Variants in NBPF9 observed in about 807,000 individuals in gnomAD.
The protein encoded by NBPF9 is NBPF family member NBPF9.
In NBPF9, 91 loss-of-function variants were observed where a neutral mutation model predicts 97.8. That is an observed-to-expected ratio of 0.93 (90% CI 0.79 to 1.11). NBPF9 has a LOEUF of 1.11. NBPF9 is among the 50% of genes least tolerant of loss of function. The pLI is 0.00. For synonymous variants in NBPF9, 334 were observed against 359.5 expected (o/e 0.93, Z 0.80); for missense variants, 992 against 939.5 (o/e 1.06, Z -0.73).
chr1:149,087,795 TG>T (rs1486474198), intron 5 of NBPF9, among the ~76,000 whole-genome samples: 1 of 150,856 alleles, frequency 6.6e-6, no homozygotes, highest in Non-Finnish European at 1.5e-5. Context: ...TAGTTTTTGT[TG>T]TACTGGCCTT....
chr1:149,085,183 C>G (rs1374980444), intron 5 of NBPF9, among the ~76,000 whole-genome samples: 2 of 152,012 alleles, frequency 1.3e-5, no homozygotes, highest in Non-Finnish European at 2.9e-5. Context: ...CTTCCCCCAC[C>G]CATACCCCTC....
chr1:149,063,491 G>A, intron 20 of NBPF9, 142 bp downstream of exon 20: 2 of 644,508 alleles, frequency 3.1e-6, no homozygotes, highest in Non-Finnish European at 5.5e-6. Flanking sequence ...TGGAACTAGA[G>A]TTTCATTCAA....
At chr1:149,058,544 C>A (rs1271226984) in intron 26 of NBPF9, 5 of 232,908 alleles carry the variant, frequency 2.1e-5, no homozygotes, top group East Asian at 2.1e-4. Context: ...GTATTCAGCC[C>A]TGTCTCATCA....
chr1:149,075,787 T>C (rs781972868), exon 12 of NBPF9: 3 of 1,586,540 alleles, frequency 1.9e-6, no homozygotes, highest in East Asian at 2.2e-5. Flanking sequence ...AGAATGTTCA[T>C]CTCTGCCTTC....
intron 7 of NBPF9, among the ~76,000 whole-genome samples, chr1:149,081,545 A>AGT (rs1360486292): frequency 7.9e-5 from 12 of 152,204 alleles, no homozygotes; most frequent in African/African-American, 2.6e-4. Context: ...TCACTAGAAC[A>AGT]GAGCTTTGCC....
At chr1:149,089,483 A>G (rs2081269917) in intron 5 of NBPF9, among the ~76,000 whole-genome samples, 1 of 152,286 alleles carries the variant, frequency 6.6e-6, no homozygotes, top group African/African-American at 2.4e-5. Context: ...GCTAAACCTA[A>G]CTACAAGTGT....
intron 5 of NBPF9, among the ~76,000 whole-genome samples, chr1:149,084,444 T>A (rs1358914874): frequency 2.0e-5 from 3 of 147,004 alleles, no homozygotes; most frequent in Non-Finnish European, 3.0e-5. Context: ...ATATATATAT[T>A]TTTCTTTTTT....
chr1:149,072,904 C>T, exon 14 of NBPF9: 2 of 1,607,290 alleles, frequency 1.2e-6, no homozygotes, highest in East Asian at 4.5e-5. Flanking sequence ...AGCTCTCGTT[C>T]CTGAGCGTGA....
rs1575819004 is a variant in NBPF9 at position 149,055,715 on chromosome 1, TA to T, written c.3276del (p.Phe1092LeufsTer3). The T allele has an allele frequency of 3.1e-6, 5 of 1,611,632 alleles. No individual in the cohort carries two copies. The East Asian group carries it at 6.7e-5, about 22-fold the overall frequency. On this transcript the variant is annotated frameshift_variant, in exon 30 of 30. Coordinates refer to ENST00000584027, the Ensembl canonical transcript of NBPF9. LOFTEE classifies it low-confidence loss of function (END_TRUNC). Reference sequence around the variant, plus strand: ...AGGTGGAGACTTGTCACCGTCAAAGTAAAAAACCTATTGTCCACGTAAAGGG... The same window carrying T: ...AGGTGGAGACTTGTCACCGTCAAAGTAAAAACCTATTGTCCACGTAAAGGG...
chr1:149,090,691 C>T (rs1488307995), intron 5 of NBPF9, 62 bp downstream of exon 5: 11 of 551,276 alleles, frequency 2.0e-5, no homozygotes, highest in African/African-American at 1.9e-4. Flanking sequence ...AAGGACCCAT[C>T]TCTGCCCTGG....
intron 5 of NBPF9, among the ~76,000 whole-genome samples, chr1:149,084,428 T>TTATATA (rs1186413462): frequency 6.8e-6 from 1 of 146,040 alleles, no homozygotes; most frequent in Admixed American, 6.9e-5. Context: ...TGTATATATA[T>TTATATA]TATATATATA....
At chr1:149,085,021 T>G (rs71228382) in intron 5 of NBPF9, among the ~76,000 whole-genome samples, 9,037 of 151,716 alleles carry the variant, frequency 0.06, 779 homozygotes, top group East Asian at 0.48. Context: ...AGTACTGACC[T>G]CCTTTGTTCC....
rs1553890127 is a variant in NBPF9, at chr1:149,055,655, C to T, written c.*1G>A. ...ACATCTCTCGGCTTAGTAAGGGCTGCTTATTGTGGGAATATGACTTCCATC... is the reference window on the plus strand; with the variant it reads ...ACATCTCTCGGCTTAGTAAGGGCTGTTTATTGTGGGAATATGACTTCCATC... On this transcript the variant is annotated 3_prime_UTR_variant, in exon 30 of 30. Transcript: ENST00000584027. 30 of 1,611,804 alleles carry T rather than the reference C, an allele frequency of 1.9e-5. No individual in the cohort carries two copies. In the East Asian group the frequency reaches 6.0e-4, roughly 32 times the overall value.
Position 149,071,132 on chromosome 1 carries a change from G to A in NBPF9, c.1387C>T (p.Gln463Ter), listed in dbSNP as rs782177601. 4.5e-6 allele frequency: 7 copies of A among 1,569,830 alleles called. No individual in the cohort carries two copies. Among genetic ancestry groups the A allele is most frequent in the Non-Finnish European group, 6.1e-6 (7 of 1,142,998 alleles). The stretch of plus-strand genomic sequence containing the variant: ...GGGACTTCCTTTTCTTCAGCCTTCT[G>A]CATCTCCCTGATGAGCCAGGTGGGA... Residue 463 changes from glutamine to a stop codon, truncating the protein, a stop_gained, in exon 16 of 30, where the codon CAG (glutamine) becomes TAG (stop). Transcript: ENST00000584027. LOFTEE classifies it high-confidence loss of function.
rs1553659420 is a variant in NBPF9, at chr1:149,088,821, C to T, written c.-195+1932G>A. Among the ~76,000 whole-genome samples the T allele has an allele frequency of 4.6e-5, 7 of 152,068 alleles. No individual in the cohort carries two copies. The South Asian group carries it at 1.3e-3, about 27-fold the overall frequency. On this transcript the variant is annotated intron_variant, in intron 5 of 29. Coordinates refer to ENST00000584027, the Ensembl canonical transcript of NBPF9. ...ATCACACTTGTGGCAGCATTGAAGGCTTCACTCTTCCCCAAGGGATCCAAT... is the reference window on the plus strand; with the variant it reads ...ATCACACTTGTGGCAGCATTGAAGGTTTCACTCTTCCCCAAGGGATCCAAT...
At position 149,098,640 on chromosome 1, in the gene NBPF9, G is replaced by GT; in HGVS notation, c.-540dup. On this transcript the variant is annotated 5_prime_UTR_variant, in exon 4 of 30. The change creates a premature stop within an existing upstream ORF in the 5' untranslated region. Coordinates refer to ENST00000584027, the Ensembl canonical transcript of NBPF9. Reference sequence around the variant, plus strand: ...ACCCTCAGGAGGACGGTAAGGGACGGTAAGGTGAGAGCCTGGGTCACCAGG... The same window carrying GT: ...ACCCTCAGGAGGACGGTAAGGGACGGTTAAGGTGAGAGCCTGGGTCACCAGG... 1.8e-6 allele frequency: 2 copies of GT among 1,084,902 alleles called. No individual in the cohort carries two copies. Among genetic ancestry groups the GT allele is most frequent in the Non-Finnish European group, 2.3e-6 (2 of 866,216 alleles). 67.2% of individuals were successfully genotyped at this position (1,084,902 alleles called of 1,614,324 possible). A position where few individuals can be genotyped will look rare whatever the true frequency, so the allele number is the denominator to read the frequency against.
chr1:149,064,382 T>C (rs1553651115), intron 19 of NBPF9, 49 bp downstream of exon 19: 1 of 783,148 alleles, frequency 1.3e-6, no homozygotes, highest in African/African-American at 1.9e-5. Context: ...GGACTTGGCA[T>C]CTCCAGGTGT....
At position 149,075,638 on chromosome 1, in the gene NBPF9, G is replaced by A. The variant is rs1169858658; in HGVS notation, c.988+17C>T. 1.9e-6 allele frequency: 3 copies of A among 1,605,500 alleles called. No individual in the cohort carries two copies. Among genetic ancestry groups the A allele is most frequent in the Non-Finnish European group, 1.7e-6 (2 of 1,173,870 alleles). On this transcript the variant is annotated intron_variant, in intron 12 of 29. Transcript: ENST00000584027. ...CGTCGTTCATCACTTTCGTGATGGT[G>A]AGCCTATAGATCTTACTGTATTTGT... is the stretch of plus-strand genomic sequence containing the variant.
At position 149,059,295 on chromosome 1, in the gene NBPF9, G is replaced by A. The variant is rs1459893863; in HGVS notation, c.2586-198C>T. ...AGAATGAAAGAGAAAGACAGGGAGA[G>A]ACAGAGACAGAGACAGAGAGAAAGT... On this transcript the variant is annotated intron_variant, in intron 25 of 29. Coordinates refer to ENST00000584027, the Ensembl canonical transcript of NBPF9. 10 of 479,464 alleles carry A rather than the reference G, an allele frequency of 2.1e-5. 4 individuals are homozygous for A. The highest frequency in any genetic ancestry group is 6.4e-5 in the Admixed American group (2 of 31,382). The allele number at this position is 479,464 out of a possible 1,614,324, so 29.7% of individuals were successfully genotyped here. A position where few individuals can be genotyped will look rare whatever the true frequency, so the allele number is the denominator to read the frequency against.
Sources: allele counts gnomAD v4.1 joint callset (sites outside exome capture counted in the v4.1 genomes callset), GRCh38; gene constraint gnomAD v4.1.1; transcripts MANE v1.5; gene names NCBI Gene and HGNC (gene_info 2026-07-23, HGNC 2026-07-21).